CSNK1A1: variants seen among roughly 807,000 people sequenced by gnomAD.
The protein encoded by CSNK1A1 is casein kinase 1 alpha 1, also known as casein kinase I isoform alpha.
A neutral mutation model predicts 46.1 loss-of-function variants in CSNK1A1; 7 were observed. That is an observed-to-expected ratio of 0.15 (90% CI 0.09 to 0.29). CSNK1A1 has a LOEUF of 0.29. Among genes scored for constraint, CSNK1A1 ranks in the 10% least tolerant of loss-of-function variants. CSNK1A1 has a pLI of 1.00. For synonymous variants in CSNK1A1, 137 were observed against 141.5 expected, an observed-to-expected ratio of 0.97 and a Z score of 0.23; for missense variants, 96 against 417.1, an observed-to-expected ratio of 0.23 and a Z score of 6.71.
At chr5:149,511,349 C>T (rs1019315612) in intron 6 of CSNK1A1, among the ~76,000 whole-genome samples, 1 of 122,330 alleles carries the variant, frequency 8.2e-6, no homozygotes. Flanking sequence ...AATTAGGATA[C>T]GGTGATTTAT....
At chr5:149,512,978 T>A in intron 5 of CSNK1A1, 92 bp downstream of exon 5, 7 of 1,440,746 alleles carry the variant, frequency 4.9e-6, no homozygotes, top group Non-Finnish European at 6.7e-6. Flanking sequence ...CCAAGAAACA[T>A]CCTTAGACAT....
At chr5:149,522,006 G>T (rs1204385819) in intron 3 of CSNK1A1, among the ~76,000 whole-genome samples, 1 of 152,022 alleles carries the variant, frequency 6.6e-6, no homozygotes, top group Non-Finnish European at 1.5e-5. Flanking sequence ...AGGAGTTCTC[G>T]TCATAAAACA....
chr5:149,503,814 G>A, intron 9 of CSNK1A1: 1 of 985,354 alleles, frequency 1.0e-6, no homozygotes, highest in Non-Finnish European at 1.2e-6. Flanking sequence ...TCTGCTGAAT[G>A]CCTGAAGTAA....
At chr5:149,498,357 T>C (rs1281720609) in intron 9 of CSNK1A1, 1 of 985,250 alleles carries the variant, frequency 1.0e-6, no homozygotes, top group African/African-American at 1.7e-5. Context: ...GAGAATATAC[T>C]TCACCATAGG....
At chr5:149,522,307 C>T (rs1308668739) in intron 3 of CSNK1A1, among the ~76,000 whole-genome samples, 1 of 151,918 alleles carries the variant, frequency 6.6e-6, no homozygotes, top group Non-Finnish European at 1.5e-5. Flanking sequence ...AGGGGGGTAT[C>T]GTTATGTTGC....
At chr5:149,530,104 A>C (rs1360686201) in intron 2 of CSNK1A1, among the ~76,000 whole-genome samples, 1 of 152,150 alleles carries the variant, frequency 6.6e-6, no homozygotes, top group African/African-American at 2.4e-5. Context: ...AAAAAAAAAA[A>C]TTTAATGTAG....
chr5:149,533,675 C>CAAAAA (rs200137063), intron 2 of CSNK1A1, among the ~76,000 whole-genome samples: 1 of 134,454 alleles, frequency 7.4e-6, no homozygotes, highest in East Asian at 2.0e-4. Flanking sequence ...GACGTAGTTG[C>CAAAAA]AAAAAAAAAA....
intron 2 of CSNK1A1, among the ~76,000 whole-genome samples, chr5:149,534,570 T>G (rs1161980892): frequency 6.6e-6 from 1 of 151,848 alleles, no homozygotes; most frequent in Non-Finnish European, 1.5e-5. Flanking sequence ...GATTATTGTA[T>G]TAGCTTCTTA....
At chr5:149,520,885 G>A (rs1761547662) in intron 3 of CSNK1A1, among the ~76,000 whole-genome samples, 1 of 152,166 alleles carries the variant, frequency 6.6e-6, no homozygotes, top group Admixed American at 6.5e-5. Flanking sequence ...TAAGCTATAA[G>A]TAGTTGTTAT....
At chr5:149,542,352 T>C (rs1283078207) in intron 2 of CSNK1A1, among the ~76,000 whole-genome samples, 2 of 151,560 alleles carry the variant, frequency 1.3e-5, no homozygotes, top group Admixed American at 6.6e-5. Flanking sequence ...AATTATTTCA[T>C]TATATGTTAC....
chr5:149,540,168 C>T (rs974441262), intron 2 of CSNK1A1, among the ~76,000 whole-genome samples: 11 of 152,124 alleles, frequency 7.2e-5, no homozygotes, highest in Admixed American at 5.9e-4. Flanking sequence ...GTTGGGCTTT[C>T]GAAAACCCTT....
At chr5:149,538,636 T>C (rs938888748) in intron 2 of CSNK1A1, among the ~76,000 whole-genome samples, 1 of 152,080 alleles carries the variant, frequency 6.6e-6, no homozygotes, top group African/African-American at 2.4e-5. Flanking sequence ...AACCTAACAG[T>C]GAATGGCTGG....
chr5:149,538,147 C>T (rs1343584813), intron 2 of CSNK1A1, among the ~76,000 whole-genome samples: 9 of 151,558 alleles, frequency 5.9e-5, no homozygotes, highest in African/African-American at 1.9e-4. Context: ...CTCAGCCTCC[C>T]TAGTAGCTGG....
chr5:149,509,997 GAGA>G, intron 6 of CSNK1A1, 44 bp from the exon 7 acceptor site: 1 of 1,364,256 alleles, frequency 7.3e-7, no homozygotes, highest in Non-Finnish European at 1.0e-6. Flanking sequence ...CAGTGCTACT[GAGA>G]AGAACCATGG....
At position 149,524,953 on chromosome 5, in the gene CSNK1A1, T is replaced by C. The variant is rs568749197; in HGVS notation, c.357+92A>G. On this transcript the variant is annotated intron_variant, in intron 3 of 9. Coordinates refer to ENST00000377843, the MANE Select transcript of CSNK1A1 (RefSeq NM_001892.6). ...TGCCTATGCTAAGGTTAAATAGTGA[T>C]GCACAGGATTTTAATACTCTGATTT... The C allele has an allele frequency of 1.8e-5, 21 of 1,176,652 alleles. No individual in the cohort carries two copies. In the East Asian group the frequency reaches 5.3e-4, roughly 30 times the overall value. The allele number at this position is 1,176,652 out of a possible 1,614,324, so 72.9% of individuals were successfully genotyped here. A position where few individuals can be genotyped will look rare whatever the true frequency, so the allele number is the denominator to read the frequency against.
intron 2 of CSNK1A1, among the ~76,000 whole-genome samples, chr5:149,532,628 G>A (rs1413042917): frequency 1.3e-5 from 2 of 152,246 alleles, no homozygotes; most frequent in South Asian, 2.1e-4. Context: ...GGCAGGAGAT[G>A]CAGTGAGCCA....
At chr5:149,528,463 C>T (rs1761788162) in intron 2 of CSNK1A1, among the ~76,000 whole-genome samples, 1 of 152,184 alleles carries the variant, frequency 6.6e-6, no homozygotes, top group African/African-American at 2.4e-5. Context: ...TCACACCCTC[C>T]ATCTGTGCTC....
Position 149,533,416 on chromosome 5 carries a change from A to G in CSNK1A1, c.231-8245T>C, listed in dbSNP as rs79991472. On this transcript the variant is annotated intron_variant, in intron 2 of 9. Transcript: ENST00000377843. ...AGGAAGTAAGGTTGATTCTCAAAGG[A>G]CAGATGGCAGAGACCCAGGTTAAGG... 0.016 allele frequency among the ~76,000 whole-genome samples: 2,452 copies of G among 152,140 alleles called. 269 individuals carry two copies. The East Asian group carries it at 0.31, about 20-fold the overall frequency.
chr5:149,507,176 C>A, intron 7 of CSNK1A1, 43 bp from the exon 8 acceptor site: 1 of 1,427,996 alleles, frequency 7.0e-7, no homozygotes, highest in South Asian at 1.3e-5. Context: ...ACAAACATTT[C>A]AAGATAGAAA....
Sources: gnomAD v4.1 joint callset for allele counts (sites outside exome capture counted in the v4.1 genomes callset) on GRCh38, gnomAD v4.1.1 for gene constraint, MANE v1.5 for transcripts, NCBI Gene and HGNC (gene_info 2026-07-23, HGNC 2026-07-21) for gene names.